The following MARCHF8 variants were observed in gnomAD, a reference collection of about 807,000 sequenced individuals.
MARCHF8 encodes membrane associated ring-CH-type finger 8.
Under a neutral mutation model 51.6 loss-of-function variants are expected in MARCHF8, and 40 were observed. That is an observed-to-expected ratio of 0.77 (90% CI 0.60 to 1.01). The LOEUF is 1.01. MARCHF8 is among the 50% of genes least tolerant of loss of function. The pLI, the probability that MARCHF8 is intolerant of heterozygous loss-of-function variation, is 0.00. For synonymous variants in MARCHF8, 263 were observed against 280.3 expected (o/e 0.94, Z 0.62); for missense variants, 685 against 708.6 (o/e 0.97, Z 0.38).
chr10:45,471,855 C>G (rs371754990), intron 3 of MARCHF8, among the ~76,000 whole-genome samples: 1 of 152,220 alleles, frequency 6.6e-6, no homozygotes, highest in South Asian at 2.1e-4. Flanking sequence ...ACAAGACTTC[C>G]GTGTGACTAC....
chr10:45,476,613 G>A (rs2042791581), intron 3 of MARCHF8, among the ~76,000 whole-genome samples: 1 of 151,144 alleles, frequency 6.6e-6, no homozygotes, highest in African/African-American at 2.4e-5. Context: ...AAAGAAATGA[G>A]AAATGCAATT....
chr10:45,566,789 G>T (rs1018819223), intron 1 of MARCHF8, among the ~76,000 whole-genome samples: 3 of 144,138 alleles, frequency 2.1e-5, no homozygotes, highest in African/African-American at 7.7e-5. Flanking sequence ...GAGGGGGGGA[G>T]GGTATATACC....
chr10:45,460,603 A>C (rs1211775635), intron 6 of MARCHF8, among the ~76,000 whole-genome samples: 1 of 152,244 alleles, frequency 6.6e-6, no homozygotes, highest in Admixed American at 6.5e-5. Flanking sequence ...AGAGAGATAT[A>C]TGAAACAGTC....
In MARCHF8 at chr10:45,571,050, T is replaced by G. The variant is rs2044422862; in HGVS notation, c.-79+23185A>C. On this transcript the variant is annotated intron_variant, in intron 1 of 6. Transcript: ENST00000319836. ...TTCCCACCAGGCACTTTTATAGAAA[T>G]TAGGCTTTTGATTCTAAAAGCCTAT... Among the ~76,000 whole-genome samples the G allele has an allele frequency of 6.6e-5, 10 of 152,286 alleles. No homozygotes were observed. The South Asian group carries it at 2.1e-3, about 32-fold the overall frequency.
chr10:45,498,322 C>T (rs1469158381), intron 2 of MARCHF8, among the ~76,000 whole-genome samples: 1 of 152,110 alleles, frequency 6.6e-6, no homozygotes, highest in Admixed American at 6.6e-5. Context: ...TTCCTACCCC[C>T]GAAATATTTT....
chr10:45,520,677 A>T lies in MARCHF8; in HGVS notation c.102+12433T>A, dbSNP rs114681820. ...TTACCTAGTCTACAAGTTCCATTCT[A>T]CCACACGAGGGGGCGTGAAGCAAAT... On this transcript the variant is annotated intron_variant, in intron 2 of 7. Coordinates refer to ENST00000453424, the MANE Select transcript of MARCHF8 (RefSeq NM_001282866.2). Among the ~76,000 whole-genome samples, 1,028 of 152,348 alleles carry T rather than the reference A, an allele frequency of 6.7e-3. 9 individuals are homozygous for T. Among genetic ancestry groups the T allele is most frequent in the African/African-American group, 0.024 (979 of 41,568 alleles).
intron 1 of MARCHF8, among the ~76,000 whole-genome samples, chr10:45,566,604 C>T (rs1589183285): frequency 6.6e-6 from 1 of 152,146 alleles, no homozygotes; most frequent in East Asian, 1.9e-4. Context: ...GACTGGATCT[C>T]ATTATTTTTG....
chr10:45,492,883 A>G (rs901370002), intron 2 of MARCHF8, among the ~76,000 whole-genome samples: 28 of 152,290 alleles, frequency 1.8e-4, no homozygotes, highest in African/African-American at 6.0e-4. Context: ...ACTTTGGAAT[A>G]TTTGCATTAT....
chr10:45,525,437 A>G (rs917439063), intron 2 of MARCHF8, among the ~76,000 whole-genome samples: 2 of 152,210 alleles, frequency 1.3e-5, no homozygotes, highest in African/African-American at 4.8e-5. Flanking sequence ...ATCAAGGAGG[A>G]CAGGGCAGAA....
At chr10:45,499,569 G>A (rs576042839) in intron 2 of MARCHF8, among the ~76,000 whole-genome samples, 1 of 152,204 alleles carries the variant, frequency 6.6e-6, no homozygotes, top group South Asian at 2.1e-4. Flanking sequence ...ATAGTTTTAA[G>A]TCTTAGATCC....
In MARCHF8 at chr10:45,464,298, C is replaced by G. The variant is rs373466552; in HGVS notation, c.183G>C (p.Pro61=). 6.2e-7 allele frequency: 1 copy of G among 1,614,116 alleles called. No individual in the cohort carries two copies. The highest frequency in any genetic ancestry group is 8.5e-7 in the Non-Finnish European group (1 of 1,180,028). The change falls in exon 4 of 8, where the codon CCG becomes CCC. Residue 61 remains proline, a synonymous_variant. Coordinates refer to ENST00000453424, the MANE Select transcript of MARCHF8 (RefSeq NM_001282866.2). The part of the protein sequence containing the change: ...KAGSPPSASA[P]APVSSFSRTS... ...TGCGAGAGAAGGAGGACACCGGAGCCGGAGCTGATGCTGACGGAGGACTCC... is the reference window on the plus strand; with the variant it reads ...TGCGAGAGAAGGAGGACACCGGAGCGGGAGCTGATGCTGACGGAGGACTCC...
At position 45,463,277 on chromosome 10, in the gene MARCHF8, A is replaced by C; in HGVS notation, c.962T>G (p.Leu321Arg). ...DVFEDSTSAK[L>R]KSRVLRAPLC... ...GGGCGCCCGCAGAACCCTACTCTTC[A>C]GTTTTGCAGATGTGCTGTCCTCAAA... The change falls in exon 5 of 8, where the codon CTG becomes CGG. Residue 321 changes from leucine (L) to arginine (R), a missense_variant. By Grantham distance (102) the Leu-to-Arg change is moderately radical. Transcript: ENST00000453424. The C allele has an allele frequency of 1.9e-6, 3 of 1,550,980 alleles. No homozygotes were observed. Among genetic ancestry groups the C allele is most frequent in the Non-Finnish European group, 2.6e-6 (3 of 1,147,084 alleles).
At chr10:45,585,823 A>T (rs2044612767) in intron 1 of MARCHF8, among the ~76,000 whole-genome samples, 1 of 152,202 alleles carries the variant, frequency 6.6e-6, no homozygotes, top group African/African-American at 2.4e-5. Context: ...TTTGGCAAAG[A>T]TGTGTTCATT....
In MARCHF8 at chr10:45,529,749, A is replaced by C. The variant is rs1452536942; in HGVS notation, c.102+3361T>G. Among the ~76,000 whole-genome samples, 3 of 152,262 alleles carry C rather than the reference A, an allele frequency of 2.0e-5. No homozygotes were observed. The South Asian group carries it at 6.2e-4, about 31-fold the overall frequency. ...AAGCGATGAAATACCATTTCACACC[A>C]GTCAGAATGGCTATTACTCAGGTGT... On this transcript the variant is annotated intron_variant, in intron 2 of 7. Coordinates refer to ENST00000453424, the MANE Select transcript of MARCHF8 (RefSeq NM_001282866.2).
intron 3 of MARCHF8, among the ~76,000 whole-genome samples, chr10:45,469,743 T>G (rs1843101458): frequency 1.3e-5 from 2 of 151,670 alleles, no homozygotes; most frequent in South Asian, 4.2e-4. Flanking sequence ...CGGGCGCCTG[T>G]AGTCCCAGCT....
At chr10:45,499,430 A>C (rs1192302687) in intron 2 of MARCHF8, among the ~76,000 whole-genome samples, 1 of 152,146 alleles carries the variant, frequency 6.6e-6, no homozygotes, top group Non-Finnish European at 1.5e-5. Flanking sequence ...CAGAAGTTTT[A>C]AATTTTGATG....
intron 2 of MARCHF8, among the ~76,000 whole-genome samples, chr10:45,505,020 T>C (rs923006509): frequency 4.6e-5 from 7 of 152,214 alleles, no homozygotes; most frequent in Admixed American, 6.5e-5. Context: ...GTTAATTATA[T>C]ATACAATTAA....
intron 2 of MARCHF8, among the ~76,000 whole-genome samples, chr10:45,502,922 G>A (rs1377678237): frequency 2.0e-5 from 3 of 152,118 alleles, no homozygotes; most frequent in Non-Finnish European, 4.4e-5. Flanking sequence ...ACATTTGACG[G>A]CTGAAAGCAA....
In MARCHF8 at chr10:45,487,231, C is replaced by T. The variant is rs551392977; in HGVS notation, c.153+2136G>A. On this transcript the variant is annotated intron_variant, in intron 3 of 7. Transcript: ENST00000453424. ...ACCCTTACAAAGCTCAAAATACCCA[C>T]AACCCAAGCCAGGACAATAGCCTTT... Among the ~76,000 whole-genome samples, 11 of 152,292 alleles carry T rather than the reference C, an allele frequency of 7.2e-5. No homozygotes were observed. In the South Asian group the frequency reaches 2.3e-3, roughly 32 times the overall value.
Sources: allele counts gnomAD v4.1 joint callset (sites outside exome capture counted in the v4.1 genomes callset), GRCh38; gene constraint gnomAD v4.1.1; transcripts MANE v1.5; gene names NCBI Gene and HGNC (gene_info 2026-07-23, HGNC 2026-07-21).